Variants in LRRC7 observed in about 807,000 individuals in gnomAD.
LRRC7 encodes leucine rich repeat containing 7.
In LRRC7, 23 loss-of-function variants were observed where a neutral mutation model predicts 175.7. The ratio of observed to expected loss-of-function variants is 0.13; its 90% CI spans 0.09 to 0.19. The LOEUF is 0.19. LRRC7 is among the 10% of genes least tolerant of loss of function. The pLI is 1.00. For missense variants in LRRC7, 1,354 were observed against 1,904.7 expected (o/e 0.71, Z 5.38); for synonymous variants, 685 against 680.9 (o/e 1.01, Z -0.09).
rs532283201 is a variant in LRRC7 at position 69,908,050 on chromosome 1, G to A, written c.648-23457G>A. ...CTAGATTTTCTAGTTTATTTGCATG[G>A]AGGTGTTTGTAGTATTCTCTGATGG... is the stretch of plus-strand genomic sequence containing the variant. On this transcript the variant is annotated intron_variant, in intron 7 of 26. Coordinates refer to ENST00000651989, the MANE Select transcript of LRRC7 (RefSeq NM_001370785.2). Among the ~76,000 whole-genome samples the A allele has an allele frequency of 4.6e-5, 7 of 152,314 alleles. No individual in the cohort carries two copies. In the South Asian group the frequency reaches 1.0e-3, roughly 23 times the overall value.
chr1:69,699,476 G>T (rs906143798), intron 2 of LRRC7, among the ~76,000 whole-genome samples: 8 of 152,198 alleles, frequency 5.3e-5, no homozygotes, highest in Middle Eastern at 3.4e-3. Flanking sequence ...GGAGGCAGAG[G>T]TTGCAGTGAG....
intron 1 of LRRC7, among the ~76,000 whole-genome samples, chr1:69,610,447 C>T (rs1268007551): frequency 2.0e-5 from 3 of 151,910 alleles, no homozygotes; most frequent in Non-Finnish European, 4.4e-5. Context: ...GTCTGTGTCT[C>T]CCACTTCCTT....
At chr1:69,865,769 C>T (rs1684884068) in intron 7 of LRRC7, among the ~76,000 whole-genome samples, 1 of 151,900 alleles carries the variant, frequency 6.6e-6, no homozygotes, top group Non-Finnish European at 1.5e-5. Context: ...CGTGAGCTAC[C>T]GCGCCCGGCC....
chr1:69,853,476 AC>A (rs1402159656), intron 7 of LRRC7, among the ~76,000 whole-genome samples: 1 of 151,564 alleles, frequency 6.6e-6, no homozygotes, highest in African/African-American at 2.4e-5. Context: ...ATGGGGTTTC[AC>A]CATGTTGGCC....
chr1:69,616,133 AAT>A (rs1476315001), intron 1 of LRRC7, among the ~76,000 whole-genome samples: 2 of 152,086 alleles, frequency 1.3e-5, no homozygotes, highest in Non-Finnish European at 2.9e-5. Flanking sequence ...CACAATTCTT[AAT>A]ACCTGTCTTT....
intron 1 of LRRC7, among the ~76,000 whole-genome samples, chr1:69,620,071 A>C (rs572095264): frequency 6.6e-6 from 1 of 152,336 alleles, no homozygotes; most frequent in South Asian, 2.1e-4. Flanking sequence ...TCCTTTCCCA[A>C]CGATTTATCT....
chr1:70,020,572 G>T (rs1219098827), intron 15 of LRRC7, among the ~76,000 whole-genome samples: 1 of 152,024 alleles, frequency 6.6e-6, no homozygotes, highest in Non-Finnish European at 1.5e-5. Flanking sequence ...ACAGAATCCT[G>T]CACTAGCCAC....
At position 70,142,916 on chromosome 1, in the gene LRRC7, T is replaced by G. The variant is rs1667124210; in HGVS notation, c.*21029T>G. The G allele has an allele frequency of 6.6e-6, 1 of 152,096 alleles. No individual in the cohort carries two copies. The highest frequency in any genetic ancestry group is 2.4e-5 in the African/African-American group (1 of 41,438). 9.4% of individuals were successfully genotyped at this position (152,096 alleles called of 1,614,324 possible). ...ATGTTTTGGATGTTTTCTAAGTATC[T>G]ATGAAAATTATTTTTTCCTAAACGA... is the stretch of plus-strand genomic sequence containing the variant. On this transcript the variant is annotated 3_prime_UTR_variant, in exon 27 of 27. Transcript: ENST00000651989.
intron 11 of LRRC7, among the ~76,000 whole-genome samples, chr1:70,011,557 G>A (rs1006095347): frequency 4.6e-5 from 7 of 151,860 alleles, no homozygotes; most frequent in East Asian, 3.9e-4. Flanking sequence ...TTATTTTGTC[G>A]TTTTCAATGG....
intron 25 of LRRC7, among the ~76,000 whole-genome samples, chr1:70,095,619 G>A (rs547424364): frequency 5.9e-5 from 9 of 152,014 alleles, no homozygotes; most frequent in South Asian, 2.1e-4. Context: ...GAAAAATGTC[G>A]GTATCTAGAC....
intron 26 of LRRC7, among the ~76,000 whole-genome samples, chr1:70,110,004 T>G (rs995832227): frequency 6.6e-6 from 1 of 152,236 alleles, no homozygotes; most frequent in Non-Finnish European, 1.5e-5. Flanking sequence ...AATAAAGATT[T>G]TTCCCTTTTG....
chr1:69,830,076 AT>A (rs1680356779), intron 5 of LRRC7, among the ~76,000 whole-genome samples: 2 of 151,826 alleles, frequency 1.3e-5, no homozygotes, highest in Admixed American at 1.3e-4. Context: ...GTAGATAAAT[AT>A]TATTACCTTT....
intron 1 of LRRC7, among the ~76,000 whole-genome samples, chr1:69,675,688 T>TTCAAGAG (rs1659665591): frequency 6.6e-6 from 1 of 152,122 alleles, no homozygotes; most frequent in South Asian, 2.1e-4. Context: ...GATGAATTAA[T>TTCAAGAG]TCAAGAGTCA....
intron 8 of LRRC7, among the ~76,000 whole-genome samples, chr1:69,932,688 G>A (rs755158158): frequency 3.4e-4 from 52 of 152,188 alleles, no homozygotes; most frequent in Non-Finnish European, 6.9e-4. Context: ...CCTTTAGGTT[G>A]TTTTCATCTT....
At chr1:69,721,634 C>T (rs192445479) in intron 2 of LRRC7, among the ~76,000 whole-genome samples, 1 of 151,696 alleles carries the variant, frequency 6.6e-6, no homozygotes, top group African/African-American at 2.4e-5. Flanking sequence ...TGGCCACATT[C>T]GATTTTATAT....
intron 8 of LRRC7, among the ~76,000 whole-genome samples, chr1:69,932,369 C>T (rs539690703): frequency 6.6e-5 from 10 of 152,230 alleles, no homozygotes; most frequent in Admixed American, 3.9e-4. Flanking sequence ...AACCTCTTTT[C>T]GCCTTATTTT....
chr1:70,140,860 C>T lies in LRRC7; in HGVS notation c.*18973C>T, dbSNP rs1667035688. On this transcript the variant is annotated 3_prime_UTR_variant, in exon 27 of 27. Coordinates refer to ENST00000651989, the MANE Select transcript of LRRC7 (RefSeq NM_001370785.2). ...TTCCCTTCTCCCTAAGTGTCAGTGA[C>T]TTAACTGACATAAATGCATAATTAA... 6.6e-6 allele frequency among the ~76,000 whole-genome samples: 1 copy of T among 152,104 alleles called. No individual in the cohort carries two copies. Among genetic ancestry groups the T allele is most frequent in the South Asian group, 2.1e-4 (1 of 4,830 alleles).
At chr1:69,770,929 G>A (rs568628430) in intron 3 of LRRC7, among the ~76,000 whole-genome samples, 3 of 152,128 alleles carry the variant, frequency 2.0e-5, no homozygotes, top group Admixed American at 1.3e-4. Flanking sequence ...TTCACCTGAC[G>A]TAAGTCATGT....
chr1:69,698,557 C>T (rs570383529), intron 2 of LRRC7, among the ~76,000 whole-genome samples: 9 of 152,170 alleles, frequency 5.9e-5, no homozygotes, highest in Non-Finnish European at 1.3e-4. Flanking sequence ...TAGGAATATC[C>T]AGAAAACTGA....
Sources: allele counts gnomAD v4.1 joint callset (sites outside exome capture counted in the v4.1 genomes callset), GRCh38; gene constraint gnomAD v4.1.1; transcripts MANE v1.5; gene names NCBI Gene and HGNC (gene_info 2026-07-23, HGNC 2026-07-21).